ZNF268: variants seen among roughly 807,000 people sequenced by gnomAD.
ZNF268 encodes the protein zinc finger protein 268.
Under a neutral mutation model 29.3 loss-of-function variants are expected in ZNF268, and 20 were observed. The observed-to-expected ratio is 0.68, with a 90% CI of 0.48 to 0.99. ZNF268 has a LOEUF of 0.99. Ranked by LOEUF, ZNF268 falls within the 50% of genes least tolerant of loss-of-function variation. ZNF268 has a pLI of 0.00. For synonymous variants in ZNF268, 429 were observed against 376.9 expected, an observed-to-expected ratio of 1.14 and a Z score of -1.60; for missense variants, 1,240 against 1,121.6, an observed-to-expected ratio of 1.11 and a Z score of -1.51.
At position 133,212,442 on chromosome 12, in the gene ZNF268, A is replaced by G. The variant is rs911075335; in HGVS notation, c.*7912A>G. 1 of 97,798 alleles carries G rather than the reference A, an allele frequency of 1.0e-5. No individual in the cohort carries two copies. Among genetic ancestry groups the G allele is most frequent in the Admixed American group, 1.2e-4 (1 of 8,034 alleles). The allele number at this position is 97,798 out of a possible 1,614,324, so 6.1% of individuals were successfully genotyped here. A position where few individuals can be genotyped will look rare whatever the true frequency, so the allele number is the denominator to read the frequency against. ...GTTCCAAGGGAGACTTTCATGTGTG[A>G]TTTTATATATATATATATATATATA... On this transcript the variant is annotated 3_prime_UTR_variant, in exon 6 of 6. Transcript: ENST00000536435.
chr12:133,181,939 C>T lies in ZNF268; in HGVS notation c.-52-7C>T, dbSNP rs567375752. The T allele has an allele frequency of 1.2e-5, 18 of 1,544,428 alleles. No individual in the cohort carries two copies. Among genetic ancestry groups the T allele is most frequent in the Non-Finnish European group, 1.4e-5 (16 of 1,140,180 alleles). On this transcript the variant is annotated splice_region_variant and splice_polypyrimidine_tract_variant and intron_variant, in intron 1 of 5. Transcript: ENST00000536435. ...GACCTCTTTCTTCACTGTGCTCTCT[C>T]TTCTAGCATCCCTCGCGTCCTGTCA... is the stretch of plus-strand genomic sequence containing the variant.
At position 133,206,431 on chromosome 12, in the gene ZNF268, ATAC is replaced by A. The variant is rs555158859; in HGVS notation, c.*1906_*1908del. On this transcript the variant is annotated 3_prime_UTR_variant, in exon 6 of 6. Coordinates refer to ENST00000536435, the MANE Select transcript of ZNF268 (RefSeq NM_003415.3). ...TTCAATTTAAGATTATGTGTCAGTGATACTACTTAGTTACATGTAGCTATAGAG... is the reference window on the plus strand; with the variant it reads ...TTCAATTTAAGATTATGTGTCAGTGATACTTAGTTACATGTAGCTATAGAG... 4 of 152,306 alleles carry A rather than the reference ATAC, an allele frequency of 2.6e-5. No individual in the cohort carries two copies. The highest frequency in any genetic ancestry group is 2.1e-4 in the South Asian group (1 of 4,824). The allele number at this position is 152,306 out of a possible 1,614,324, so 9.4% of individuals were successfully genotyped here. A position where few individuals can be genotyped will look rare whatever the true frequency, so the allele number is the denominator to read the frequency against.
intron 3 of ZNF268, among the ~76,000 whole-genome samples, chr12:133,190,009 C>T (rs1340916356): frequency 9.3e-5 from 14 of 150,620 alleles, no homozygotes; most frequent in Admixed American, 4.0e-4. Context: ...GAAGTTTCAC[C>T]ATGTTAGCCA....
Position 133,202,895 on chromosome 12 carries a change from C to T in ZNF268, c.1209C>T (p.Leu403=). The change falls in exon 6 of 6, where the codon CTC becomes CTT. Residue 403 remains leucine (L), a synonymous_variant. Coordinates refer to ENST00000536435, the MANE Select transcript of ZNF268 (RefSeq NM_003415.3). The part of the protein sequence containing the change: ...CGKAFGLKSQ[L]IIHERIHTGE... Reference sequence around the variant, plus strand: ...AAGCTTTTGGTTTAAAATCACAGCTCATTATACATGAAAGAATTCATACAG... The same window carrying T: ...AAGCTTTTGGTTTAAAATCACAGCTTATTATACATGAAAGAATTCATACAG... The T allele has an allele frequency of 1.3e-6, 2 of 1,551,786 alleles. No homozygotes were observed. The highest frequency in any genetic ancestry group is 1.7e-6 in the Non-Finnish European group (2 of 1,152,380).
chr12:133,203,467 G>A lies in ZNF268; in HGVS notation c.1781G>A (p.Gly594Asp). Residue 594 changes from glycine to aspartate, a missense_variant, in exon 6 of 6, where the codon GGT becomes GAT. Coordinates refer to ENST00000536435, the MANE Select transcript of ZNF268 (RefSeq NM_003415.3). ...YECTDCGKAF[G>D]LKSQLIIHQR... Reference sequence around the variant, plus strand: ...TGCACCGACTGTGGAAAGGCTTTTGGTTTAAAGTCACAGCTTATTATACAC... The same window carrying A: ...TGCACCGACTGTGGAAAGGCTTTTGATTTAAAGTCACAGCTTATTATACAC... 6.5e-7 allele frequency: 1 copy of A among 1,542,076 alleles called. No individual in the cohort carries two copies. The highest frequency in any genetic ancestry group is 8.7e-7 in the Non-Finnish European group (1 of 1,148,392).
Position 133,212,208 on chromosome 12 carries a change from G to A in ZNF268, c.*7678G>A, listed in dbSNP as rs1440668830. ...TCTGTGATTGATGACGGTTTGTAGA[G>A]GGCAGGGAGTGAGTTAAATAGGAGG... On this transcript the variant is annotated 3_prime_UTR_variant, in exon 6 of 6. Coordinates refer to ENST00000536435, the MANE Select transcript of ZNF268 (RefSeq NM_003415.3). The A allele has an allele frequency of 6.6e-6, 1 of 152,062 alleles. No homozygotes were observed. The highest frequency in any genetic ancestry group is 1.5e-5 in the Non-Finnish European group (1 of 68,030). 9.4% of individuals were successfully genotyped at this position (152,062 alleles called of 1,614,324 possible). A position where few individuals can be genotyped will look rare whatever the true frequency, so the allele number is the denominator to read the frequency against.
Position 133,203,420 on chromosome 12 carries a change from T to C in ZNF268, c.1734T>C (p.His578=). ...AGCTTATTTCACACCAGAGAACTCA[T>C]GCAGGAGAGAAGCCTTATGAATGCA... ...KYQLISHQRT[H]AGEKPYECTD... is the part of the protein sequence containing the mutation. Residue 578 remains histidine (H), a synonymous_variant, in exon 6 of 6, where the codon CAT becomes CAC. Coordinates refer to ENST00000536435, the MANE Select transcript of ZNF268 (RefSeq NM_003415.3). 1 of 1,544,410 alleles carries C rather than the reference T, an allele frequency of 6.5e-7. No individual in the cohort carries two copies. The highest frequency in any genetic ancestry group is 8.7e-7 in the Non-Finnish European group (1 of 1,149,516).
In ZNF268 at chr12:133,202,658, A is replaced by G. The variant is rs199627209; in HGVS notation, c.972A>G (p.Arg324=). Residue 324 remains arginine, a synonymous_variant, in exon 6 of 6, where the codon AGA becomes AGG. Transcript: ENST00000536435. The part of the protein sequence containing the change: ...SSKSYLIVHQ[R]IHTGEKLHEC... ...AATCATACCTCATTGTACATCAGAG[A>G]ATTCATACAGGAGAGAAACTACATG... is the stretch of plus-strand genomic sequence containing the variant. 6.2e-7 allele frequency: 1 copy of G among 1,606,672 alleles called. No homozygotes were observed.
Position 133,203,849 on chromosome 12 carries a change from G to A in ZNF268, c.2163G>A (p.Glu721=). The A allele has an allele frequency of 6.4e-7, 1 of 1,565,894 alleles. No individual in the cohort carries two copies. The highest frequency in any genetic ancestry group is 1.4e-5 in the African/African-American group (1 of 73,758). The change falls in exon 6 of 6, where the codon GAG becomes GAA. Residue 721 remains glutamate, a synonymous_variant. Coordinates refer to ENST00000536435, the MANE Select transcript of ZNF268 (RefSeq NM_003415.3). ...LIIHMRTHTG[E]KPHECRECGK... ...TACATATGAGAACTCATACAGGAGA[G>A]AAACCACATGAGTGCAGGGAATGCG...
rs945868944 is a variant in ZNF268, at chr12:133,187,132, T to C, written c.34-740T>C. 5.9e-5 allele frequency among the ~76,000 whole-genome samples: 9 copies of C among 152,342 alleles called. No homozygotes were observed. In the East Asian group the frequency reaches 1.7e-3, roughly 29 times the overall value. On this transcript the variant is annotated intron_variant, in intron 2 of 5. Transcript: ENST00000536435. ...AAAAATGCCTTGGTGAACAGCCTTT[T>C]CATGGCATTTCATTCATTGTTTCTT...
Position 133,203,226 on chromosome 12 carries a change from T to C in ZNF268, c.1540T>C (p.Tyr514His). 1 of 1,537,840 alleles carries C rather than the reference T, an allele frequency of 6.5e-7. No homozygotes were observed. Among genetic ancestry groups the C allele is most frequent in the Non-Finnish European group, 8.7e-7 (1 of 1,146,824 alleles). ...TGGCAAAGCCTTCAGGAGCAAGTCA[T>C]ACCTTATTATACATACAAGGACTCA... ...ECGKAFRSKSYLIIHTRTHTG... is the reference protein window; with the variant it reads ...ECGKAFRSKSHLIIHTRTHTG... The change falls in exon 6 of 6, where the codon TAC (tyrosine) becomes CAC (histidine). Residue 514 changes from tyrosine (Y) to histidine (H), a missense_variant. Tyr to His is a moderately conservative substitution (Grantham distance 83). Around this residue, in one of 3 missense-constraint regions of ZNF268, gnomAD observed 1,177 missense variants for 1,039.6 expected, o/e 1.13. Coordinates refer to ENST00000536435, the MANE Select transcript of ZNF268 (RefSeq NM_003415.3).
rs137922816 is a variant in ZNF268 at position 133,186,008 on chromosome 12, A to G, written c.34-1864A>G. ...TGTTAATGCTCAGTGTCTACTACGT[A>G]TGAGGTTCTGTGCTAAATCATTTAT... On this transcript the variant is annotated intron_variant, in intron 2 of 5. Coordinates refer to ENST00000536435, the MANE Select transcript of ZNF268 (RefSeq NM_003415.3). Among the ~76,000 whole-genome samples, 5 of 152,242 alleles carry G rather than the reference A, an allele frequency of 3.3e-5. No individual in the cohort carries two copies. The East Asian group carries it at 9.6e-4, about 29-fold the overall frequency.
At position 133,212,538 on chromosome 12, in the gene ZNF268, TATATACAC is replaced by T. The variant is rs1396425554; in HGVS notation, c.*8022_*8029del. ...ACACATACACACATATATACACATA[TATATACAC>T]ATATACACATATATATACACATATA... On this transcript the variant is annotated 3_prime_UTR_variant, in exon 6 of 6. Transcript: ENST00000536435. 2.5e-4 allele frequency: 37 copies of T among 148,500 alleles called. No individual in the cohort carries two copies. Among genetic ancestry groups the T allele is most frequent in the African/African-American group, 9.2e-4 (37 of 40,374 alleles). 9.2% of individuals were successfully genotyped at this position (148,500 alleles called of 1,614,324 possible).
chr12:133,212,746 T>C lies in ZNF268; in HGVS notation c.*8216T>C, dbSNP rs1345970793. On this transcript the variant is annotated 3_prime_UTR_variant, in exon 6 of 6. Coordinates refer to ENST00000536435, the MANE Select transcript of ZNF268 (RefSeq NM_003415.3). ...ATTAGTTTGTTTCTCTCTCATTTCA[T>C]AGGCATGATCATAACTCACTGCAGC... The C allele has an allele frequency of 2.6e-5, 4 of 152,034 alleles. No homozygotes were observed. The highest frequency in any genetic ancestry group is 4.8e-5 in the African/African-American group (2 of 41,378). The allele number at this position is 152,034 out of a possible 1,614,324, so 9.4% of individuals were successfully genotyped here.
rs1956776709 is a variant in ZNF268 at position 133,202,440 on chromosome 12, A to G, written c.754A>G (p.Ile252Val). The part of the protein sequence containing the change: ...TVIGIKYCES[I>V]ESGKTVNKKS... ...TATTGGAATAAAATACTGTGAAAGT[A>G]TTGAATCTGGAAAAACCGTCAATAA... The change falls in exon 6 of 6, where the codon ATT becomes GTT. Residue 252 changes from isoleucine to valine, a missense_variant. By Grantham distance (29) the Ile-to-Val change is conservative. This residue lies in a region of ZNF268 where 1,177 missense variants were observed against 1,039.6 expected (regional missense o/e 1.13). Transcript: ENST00000536435. 6.2e-7 allele frequency: 1 copy of G among 1,611,142 alleles called. No homozygotes were observed. The highest frequency in any genetic ancestry group is 2.2e-5 in the East Asian group (1 of 44,836).
intron 2 of ZNF268, among the ~76,000 whole-genome samples, chr12:133,186,204 A>G (rs1191404171): frequency 1.3e-5 from 2 of 152,064 alleles, no homozygotes; most frequent in African/African-American, 2.4e-5. Context: ...CTGGCTCTAC[A>G]TGCATTTTCC....
intron 2 of ZNF268, among the ~76,000 whole-genome samples, chr12:133,184,357 A>G (rs1291807856): frequency 1.3e-5 from 2 of 151,910 alleles, no homozygotes; most frequent in Non-Finnish European, 2.9e-5. Flanking sequence ...CACCTGTCTC[A>G]GCCTCCCAAA....
rs1388440374 is a variant in ZNF268 at position 133,211,034 on chromosome 12, C to T, written c.*6504C>T. On this transcript the variant is annotated 3_prime_UTR_variant, in exon 6 of 6. Coordinates refer to ENST00000536435, the MANE Select transcript of ZNF268 (RefSeq NM_003415.3). The stretch of plus-strand genomic sequence containing the variant: ...TTGGAAAACGAAACTGAAATAGAGT[C>T]CATCATTCCATGCCTTAATTGGAAT... 2 of 455,926 alleles carry T rather than the reference C, an allele frequency of 4.4e-6. No individual in the cohort carries two copies. Among genetic ancestry groups the T allele is most frequent in the East Asian group, 7.0e-5 (1 of 14,388 alleles). 28.2% of individuals were successfully genotyped at this position (455,926 alleles called of 1,614,324 possible).
chr12:133,192,263 AT>A (rs201515994), intron 5 of ZNF268, among the ~76,000 whole-genome samples: 2,060 of 151,922 alleles, frequency 0.014, 24 homozygotes, highest in Non-Finnish European at 0.023. Flanking sequence ...GTGCGCCACC[AT>A]GCCCGGCCAA....
Sources: gnomAD v4.1 joint callset for allele counts (sites outside exome capture counted in the v4.1 genomes callset) on GRCh38, gnomAD v4.1.1 for gene constraint, gnomAD v4.1.1 regional missense constraint, MANE v1.5 for transcripts, NCBI Gene and HGNC (gene_info 2026-07-23, HGNC 2026-07-21) for gene names.